CAMKMT: variants seen among roughly 807,000 people sequenced by gnomAD.
CAMKMT encodes calmodulin-lysine N-methyltransferase.
In CAMKMT, 53 loss-of-function variants were observed where a neutral mutation model predicts 48.0. The ratio of observed to expected loss-of-function variants is 1.10; its 90% CI spans 0.89 to 1.39. CAMKMT has a LOEUF of 1.39. Ranked by LOEUF, CAMKMT falls within the 40% of genes most tolerant of loss-of-function variation. The pLI, the probability that CAMKMT is intolerant of heterozygous loss-of-function variation, is 0.00. For synonymous variants in CAMKMT, 165 were observed against 152.3 expected, an observed-to-expected ratio of 1.08 and a Z score of -0.61; for missense variants, 428 against 402.7, an observed-to-expected ratio of 1.06 and a Z score of -0.54.
At chr2:44,576,559 G>A (rs935981156) in intron 3 of CAMKMT, among the ~76,000 whole-genome samples, 2 of 152,138 alleles carry the variant, frequency 1.3e-5, no homozygotes, top group South Asian at 4.1e-4. Context: ...AAAGCAGCTT[G>A]TTAGATTACA....
rs370162066 is a variant in CAMKMT, at chr2:44,689,435, A to C, written c.377-14848A>C. 3.9e-5 allele frequency among the ~76,000 whole-genome samples: 6 copies of C among 151,914 alleles called. No homozygotes were observed. The South Asian group carries it at 1.3e-3, about 32-fold the overall frequency. On this transcript the variant is annotated intron_variant, in intron 3 of 10. Transcript: ENST00000378494. ...TGCCTCAGCCTCCCTGTAACACGGCACAGTTTTAAAAGGGAAAAGGGTGAT... is the reference window on the plus strand; with the variant it reads ...TGCCTCAGCCTCCCTGTAACACGGCCCAGTTTTAAAAGGGAAAAGGGTGAT...
At chr2:44,445,645 GTTTTTTTTTTTTTTTTTT>G (rs869258613) in intron 3 of CAMKMT, among the ~76,000 whole-genome samples, 19 of 101,414 alleles carry the variant, frequency 1.9e-4, no homozygotes, top group East Asian at 4.3e-4. Flanking sequence ...CAAAAGGGTA[GTTTTTTTTTTTTTTTTTT>G]TTTTTTTTTT....
intron 3 of CAMKMT, among the ~76,000 whole-genome samples, chr2:44,540,425 T>C (rs1018297652): frequency 4.6e-5 from 7 of 152,136 alleles, no homozygotes; most frequent in African/African-American, 9.7e-5. Context: ...CCAGGGAACA[T>C]TGATTCTTTT....
chr2:44,737,518 A>T (rs1679419935), intron 7 of CAMKMT, among the ~76,000 whole-genome samples: 1 of 152,128 alleles, frequency 6.6e-6, no homozygotes, highest in South Asian at 2.1e-4. Context: ...TACTATTGAG[A>T]CAAGACCCTT....
At chr2:44,512,181 A>AC (rs1670598064) in intron 3 of CAMKMT, among the ~76,000 whole-genome samples, 2 of 152,162 alleles carry the variant, frequency 1.3e-5, no homozygotes, top group African/African-American at 4.8e-5. Context: ...CTGATGCTTG[A>AC]CCATGTCTAT....
At chr2:44,722,280 A>T (rs975491296) in intron 7 of CAMKMT, among the ~76,000 whole-genome samples, 3 of 150,108 alleles carry the variant, frequency 2.0e-5, no homozygotes, top group Admixed American at 6.7e-5. Flanking sequence ...GTCACATGGT[A>T]ACTATATTTA....
chr2:44,387,184 A>T (rs978957573), intron 2 of CAMKMT, among the ~76,000 whole-genome samples: 4 of 152,088 alleles, frequency 2.6e-5, no homozygotes, highest in African/African-American at 7.2e-5. Flanking sequence ...TGTTTTATAA[A>T]TTTGGGAGCT....
At chr2:44,424,294 T>G (rs1048200850) in intron 3 of CAMKMT, among the ~76,000 whole-genome samples, 6 of 152,082 alleles carry the variant, frequency 3.9e-5, no homozygotes, top group Non-Finnish European at 4.4e-5. Flanking sequence ...TGGGCTTTAG[T>G]CAGCTGGGAG....
At position 44,432,821 on chromosome 2, in the gene CAMKMT, T is replaced by C. The variant is rs530464447; in HGVS notation, c.376+42516T>C. ...ACTGTGTTTGAGCTAACTTTTCATG[T>C]AAATTAAAAAAAAAAAAAACATATG... On this transcript the variant is annotated intron_variant, in intron 3 of 10. Coordinates refer to ENST00000378494, the MANE Select transcript of CAMKMT (RefSeq NM_024766.5). Among the ~76,000 whole-genome samples, 8 of 64,218 alleles carry C rather than the reference T, an allele frequency of 1.2e-4. No homozygotes were observed. The East Asian group carries it at 2.7e-3, about 21-fold the overall frequency. 42.1% of individuals were successfully genotyped at this position (64,218 alleles called of 152,430 possible).
chr2:44,507,142 A>C (rs547483280), intron 3 of CAMKMT, among the ~76,000 whole-genome samples: 1 of 152,150 alleles, frequency 6.6e-6, no homozygotes, highest in Non-Finnish European at 1.5e-5. Context: ...TTGGAGCTGA[A>C]TAGAAGTTAT....
intron 3 of CAMKMT, among the ~76,000 whole-genome samples, chr2:44,420,734 T>A (rs543580110): frequency 8.5e-5 from 13 of 152,162 alleles, no homozygotes; most frequent in South Asian, 8.3e-4. Flanking sequence ...TTATATTTTT[T>A]AAAATATTTG....
rs368004797 is a variant in CAMKMT at position 44,615,141 on chromosome 2, G to C, written c.377-89142G>C. ...GGGTCTTGCTATGTTGCCCAGGCTG[G>C]TGGCAAACTTCTGGCCTCAAGTGAT... On this transcript the variant is annotated intron_variant, in intron 3 of 10. Coordinates refer to ENST00000378494, the MANE Select transcript of CAMKMT (RefSeq NM_024766.5). Among the ~76,000 whole-genome samples the C allele has an allele frequency of 5.9e-5, 9 of 151,758 alleles. 1 individual carries two copies. The South Asian group carries it at 1.9e-3, about 32-fold the overall frequency.
intron 3 of CAMKMT, among the ~76,000 whole-genome samples, chr2:44,605,367 T>G (rs1267948465): frequency 6.6e-6 from 1 of 152,236 alleles, no homozygotes; most frequent in East Asian, 1.9e-4. Flanking sequence ...TTGAACATAC[T>G]TGGTGGTGGC....
intron 8 of CAMKMT, among the ~76,000 whole-genome samples, chr2:44,752,694 G>T (rs1680202604): frequency 6.6e-6 from 1 of 152,204 alleles, no homozygotes; most frequent in African/African-American, 2.4e-5. Context: ...GGCACGGGCA[G>T]GTTGGTGTCT....
At position 44,608,177 on chromosome 2, in the gene CAMKMT, A is replaced by G. The variant is rs368848784; in HGVS notation, c.377-96106A>G. On this transcript the variant is annotated intron_variant, in intron 3 of 10. Coordinates refer to ENST00000378494, the MANE Select transcript of CAMKMT (RefSeq NM_024766.5). ...AAGCTCCGCCTCCCGGGTTCACGCC[A>G]TTCTCCTGCCTCAGCCTCCCAAGTA... Among the ~76,000 whole-genome samples, 102 of 142,672 alleles carry G rather than the reference A, an allele frequency of 7.1e-4. 1 individual carries two copies. The East Asian group carries it at 0.013, about 19-fold the overall frequency. 93.6% of individuals were successfully genotyped at this position (142,672 alleles called of 152,430 possible). A position where few individuals can be genotyped will look rare whatever the true frequency, so the allele number is the denominator to read the frequency against.
intron 3 of CAMKMT, among the ~76,000 whole-genome samples, chr2:44,698,599 G>C (rs1045807663): frequency 1.3e-5 from 2 of 152,180 alleles, no homozygotes; most frequent in South Asian, 4.1e-4. Context: ...ATGATTATCT[G>C]AGCTTTCTGT....
chr2:44,524,689 C>T (rs543403274), intron 3 of CAMKMT, among the ~76,000 whole-genome samples: 5 of 152,190 alleles, frequency 3.3e-5, no homozygotes, highest in African/African-American at 1.2e-4. Context: ...TTTTATATCC[C>T]TCTGTTAGCC....
intron 3 of CAMKMT, among the ~76,000 whole-genome samples, chr2:44,425,356 T>C (rs899637722): frequency 8.5e-5 from 13 of 152,114 alleles, no homozygotes; most frequent in Non-Finnish European, 1.9e-4. Context: ...TTGGTGGAGA[T>C]TTACTACCTT....
At chr2:44,540,212 T>C (rs1667023256) in intron 3 of CAMKMT, among the ~76,000 whole-genome samples, 1 of 152,102 alleles carries the variant, frequency 6.6e-6, no homozygotes, top group South Asian at 2.1e-4. Context: ...TCCTGTGTTA[T>C]TCAGTGGATT....
Sources: allele counts gnomAD v4.1 joint callset (sites outside exome capture counted in the v4.1 genomes callset), GRCh38; gene constraint gnomAD v4.1.1; transcripts MANE v1.5; gene names NCBI Gene and HGNC (gene_info 2026-07-23, HGNC 2026-07-21).